Variants in VWDE observed in about 807,000 individuals in gnomAD.
VWDE encodes the protein von Willebrand factor D and EGF domains, also known as von Willebrand factor D and EGF domain-containing protein.
A neutral mutation model predicts 178.4 loss-of-function variants in VWDE; 207 were observed. That is an observed-to-expected ratio of 1.16 (90% CI 1.04 to 1.30). The LOEUF is 1.30. Ranked by LOEUF, VWDE falls within the 50% of genes most tolerant of loss-of-function variation. The pLI, the probability that VWDE is intolerant of heterozygous loss-of-function variation, is 0.00. For missense variants in VWDE, 2,287 were observed against 1,901.3 expected, an observed-to-expected ratio of 1.20 and a Z score of -3.77; for synonymous variants, 738 against 651.4, an observed-to-expected ratio of 1.13 and a Z score of -2.02.
rs1358634694 is a variant in VWDE at position 12,367,339 on chromosome 7, A to G, written c.2898+18T>C. 3.9e-6 allele frequency: 6 copies of G among 1,522,566 alleles called. No homozygotes were observed. The highest frequency in any genetic ancestry group is 1.4e-5 in the African/African-American group (1 of 71,452). 94.3% of individuals were successfully genotyped at this position (1,522,566 alleles called of 1,614,324 possible). A position where few individuals can be genotyped will look rare whatever the true frequency, so the allele number is the denominator to read the frequency against. On this transcript the variant is annotated intron_variant, in intron 13 of 28. Transcript: ENST00000275358. ...ATCTCATACACTCTATTGTTTCTGA[A>G]CTCTATAATTAACATACCTGTAGCT... is the stretch of plus-strand genomic sequence containing the variant.
rs1037217611 is a variant in VWDE, at chr7:12,331,270, G to A, written c.4759-73C>T. 9.2e-6 allele frequency: 12 copies of A among 1,304,410 alleles called. No homozygotes were observed. In the African/African-American group the frequency reaches 1.2e-4, roughly 13 times the overall value. The allele number at this position is 1,304,410 out of a possible 1,614,324, so 80.8% of individuals were successfully genotyped here. On this transcript the variant is annotated intron_variant, in intron 28 of 28. Transcript: ENST00000275358. ...ATTTAACCCTTACTCATTATTTGTTGCCTCCTTCCCTCTGACATGATACGT... is the reference window on the plus strand; with the variant it reads ...ATTTAACCCTTACTCATTATTTGTTACCTCCTTCCCTCTGACATGATACGT...
intron 19 of VWDE, among the ~76,000 whole-genome samples, chr7:12,349,206 C>T (rs989339572): frequency 1.3e-5 from 2 of 149,132 alleles, no homozygotes; most frequent in South Asian, 4.3e-4. Context: ...TGCACATGTA[C>T]CCTAAAACTT....
chr7:12,331,435 T>C (rs538936943), intron 28 of VWDE, among the ~76,000 whole-genome samples: 1 of 152,260 alleles, frequency 6.6e-6, no homozygotes, highest in African/African-American at 2.4e-5. Flanking sequence ...TGGCAAAATG[T>C]TACACTTTAG....
intron 6 of VWDE, 62 bp downstream of exon 6, chr7:12,379,413 TCA>T (rs10570724): frequency 0.67 from 813,735 of 1,210,656 alleles, 276,763 homozygotes; most frequent in Non-Finnish European, 0.69. Context: ...CATGGACAGA[TCA>T]CAGTTTGGGA....
At chr7:12,371,773 C>G (rs938301123) in intron 10 of VWDE, among the ~76,000 whole-genome samples, 1 of 151,960 alleles carries the variant, frequency 6.6e-6, no homozygotes. Flanking sequence ...TCACCTACTC[C>G]AGCATTTTCA....
At chr7:12,353,723 C>T (rs532957877) in intron 18 of VWDE, 1 of 152,360 alleles carries the variant, frequency 6.6e-6, no homozygotes, top group African/African-American at 2.4e-5. Flanking sequence ...GCTCCTTAAA[C>T]TATCTCACAT....
chr7:12,360,776 C>A (rs1471276137), intron 15 of VWDE, among the ~76,000 whole-genome samples: 1 of 152,090 alleles, frequency 6.6e-6, no homozygotes, highest in Non-Finnish European at 1.5e-5. Context: ...TAACTTTATA[C>A]ATTTTACAAA....
chr7:12,351,200 A>C (rs1373030418), intron 19 of VWDE, among the ~76,000 whole-genome samples: 1 of 152,176 alleles, frequency 6.6e-6, no homozygotes, highest in East Asian at 1.9e-4. Flanking sequence ...TTAAGAAAGC[A>C]CTATGACACA....
chr7:12,380,393 G>A (rs1328865804), intron 5 of VWDE, 93 bp downstream of exon 5: 2 of 1,453,736 alleles, frequency 1.4e-6, no homozygotes, highest in African/African-American at 1.4e-5. Context: ...TATACTCTGG[G>A]GACAAAATCT....
intron 3 of VWDE, among the ~76,000 whole-genome samples, chr7:12,387,917 T>G (rs1784185239): frequency 6.6e-6 from 1 of 152,170 alleles, no homozygotes; most frequent in Non-Finnish European, 1.5e-5. Flanking sequence ...GAATTTGCAC[T>G]TATCAATCTT....
chr7:12,331,746 G>C (rs1341128495), intron 28 of VWDE, among the ~76,000 whole-genome samples: 1 of 152,116 alleles, frequency 6.6e-6, no homozygotes, highest in Non-Finnish European at 1.5e-5. Context: ...GACTGAGGGG[G>C]TTAAACTTGC....
At chr7:12,366,284 T>C (rs1562489880) in intron 13 of VWDE, among the ~76,000 whole-genome samples, 1 of 152,108 alleles carries the variant, frequency 6.6e-6, no homozygotes, top group Non-Finnish European at 1.5e-5. Context: ...TCTGTATTTA[T>C]CAGAAGTTTG....
chr7:12,398,392 G>A (rs569852918), intron 1 of VWDE, among the ~76,000 whole-genome samples: 3 of 152,210 alleles, frequency 2.0e-5, no homozygotes, highest in Non-Finnish European at 4.4e-5. Flanking sequence ...ACCACATCTG[G>A]AAAATGAGAT....
chr7:12,376,163 C>A (rs1783517965), intron 7 of VWDE, among the ~76,000 whole-genome samples: 1 of 152,044 alleles, frequency 6.6e-6, no homozygotes, highest in South Asian at 2.1e-4. Context: ...AAACTCTTAA[C>A]CAACTCTCTA....
intron 2 of VWDE, among the ~76,000 whole-genome samples, chr7:12,390,833 A>T (rs1209140761): frequency 6.6e-6 from 1 of 152,050 alleles, no homozygotes; most frequent in African/African-American, 2.4e-5. Context: ...ATGAACAACT[A>T]TATGTATCAA....
chr7:12,403,853 G>C lies in VWDE; in HGVS notation c.-137C>G, dbSNP rs1227725976. The C allele has an allele frequency of 5.5e-6, 5 of 913,480 alleles. No individual in the cohort carries two copies. In the African/African-American group the frequency reaches 8.3e-5, roughly 15 times the overall value. The allele number at this position is 913,480 out of a possible 1,614,324, so 56.6% of individuals were successfully genotyped here. ...TTGCTGCTTGGAACAGGGAAGCTCC[G>C]CGTCCTCGTTCTGGGGTGCACCCAG... On this transcript the variant is annotated 5_prime_UTR_variant, in exon 1 of 29. Transcript: ENST00000275358.
At chr7:12,342,202 C>A in intron 22 of VWDE, 48 bp from the exon 23 acceptor site, 3 of 1,481,034 alleles carry the variant, frequency 2.0e-6, no homozygotes, top group South Asian at 2.4e-5. Context: ...TTGGAGTAGT[C>A]ATATTGTTGG....
rs1460447555 is a variant in VWDE, at chr7:12,369,932, A to G, written c.2374T>C (p.Phe792Leu). The G allele has an allele frequency of 1.2e-5, 18 of 1,551,398 alleles. No individual in the cohort carries two copies. The highest frequency in any genetic ancestry group is 2.4e-5 in the South Asian group (2 of 84,048). The change falls in exon 12 of 29, where the codon TTC (phenylalanine) becomes CTC (leucine). Residue 792 changes from phenylalanine to leucine, a missense_variant. Physicochemically the swap from Phe to Leu is conservative, Grantham distance 22. Transcript: ENST00000275358. ...CCAGAGGGAGTGGGCCAAGAGGGGA[A>G]AAACTCTTGCTGTACATCCTCAGCA... ...DHAEDVQQEF[F>L]PSWPTPSGLT...
At chr7:12,338,266 AG>A (rs1197649778) in intron 24 of VWDE, among the ~76,000 whole-genome samples, 1 of 151,680 alleles carries the variant, frequency 6.6e-6, no homozygotes, top group Admixed American at 6.6e-5. Flanking sequence ...TTTAGGCTGA[AG>A]TTTTTTTTGG....
Sources: gnomAD v4.1 joint callset for allele counts (sites outside exome capture counted in the v4.1 genomes callset) on GRCh38, gnomAD v4.1.1 for gene constraint, MANE v1.5 for transcripts, NCBI Gene and HGNC (gene_info 2026-07-23, HGNC 2026-07-21) for gene names.